Variants in PCDHGA3 observed in about 807,000 individuals in gnomAD.
PCDHGA3 encodes protocadherin gamma subfamily A, 3.
PCDHGA3 carries 40 observed loss-of-function variants against 58.5 expected under a neutral mutation model. That is an observed-to-expected ratio of 0.68 (90% CI 0.53 to 0.89). The LOEUF (loss-of-function observed/expected upper bound fraction) is 0.89, where lower values mean the gene tolerates loss of function less well. Among genes scored for constraint, PCDHGA3 ranks in the 40% least tolerant of loss-of-function variants. The probability of loss-of-function intolerance (pLI) is 0.00; values close to 1 mark genes in which losing one functional copy is unlikely to be tolerated. For synonymous variants in PCDHGA3, 530 were observed against 525.7 expected (o/e 1.01, Z -0.11); for missense variants, 1,223 against 1,195.9 (o/e 1.02, Z -0.33).
intron 2 of PCDHGA3, among the ~76,000 whole-genome samples, chr5:141,495,811 G>A (rs1164360438): frequency 1.3e-5 from 2 of 151,710 alleles, no homozygotes; most frequent in Admixed American, 1.3e-4. Flanking sequence ...GTTTCCTAGC[G>A]CCTTGTGTTC....
intron 1 of PCDHGA3, among the ~76,000 whole-genome samples, chr5:141,463,944 T>C (rs1454454223): frequency 3.3e-5 from 5 of 152,158 alleles, no homozygotes; most frequent in African/African-American, 4.8e-5. Flanking sequence ...TTTATAGAAA[T>C]CTTCATTTTT....
chr5:141,364,567 G>A (rs1034975661), intron 1 of PCDHGA3: 6 of 1,614,130 alleles, frequency 3.7e-6, no homozygotes, highest in Non-Finnish European at 5.1e-6. Flanking sequence ...CCCTGAACCC[G>A]CGAAGCGGCA....
At chr5:141,394,840 G>A in intron 1 of PCDHGA3, 3 of 1,613,834 alleles carry the variant, frequency 1.9e-6, no homozygotes, top group Non-Finnish European at 2.5e-6. Context: ...ACCGAGTTGG[G>A]CAGTCTGAAG....
chr5:141,429,389 A>ATTT (rs1561841246), intron 1 of PCDHGA3, among the ~76,000 whole-genome samples: 155 of 147,652 alleles, frequency 1.0e-3, no homozygotes, highest in African/African-American at 3.7e-3. Flanking sequence ...TTTTTTTTTA[A>ATTT]AAAAAATTGA....
In PCDHGA3 at chr5:141,477,292, A is replaced by G; in HGVS notation, c.2425-17515A>G. The G allele has an allele frequency of 1.2e-6, 2 of 1,614,114 alleles. No individual in the cohort carries two copies. The highest frequency in any genetic ancestry group is 4.5e-5 in the East Asian group (2 of 44,862). On this transcript the variant is annotated intron_variant, in intron 1 of 3. Transcript: ENST00000253812. The surrounding 1 kb of genome is among the most constrained non-coding windows in gnomAD (Gnocchi z 4.9). ...ACGGGCTGGTGACCTGCGAAGTTCCACCGGGTCTCCCTTTCAGCCTTACTT... is the reference window on the plus strand; with the variant it reads ...ACGGGCTGGTGACCTGCGAAGTTCCGCCGGGTCTCCCTTTCAGCCTTACTT...
At chr5:141,483,104 A>G (rs2099577128) in intron 1 of PCDHGA3, among the ~76,000 whole-genome samples, 1 of 152,140 alleles carries the variant, frequency 6.6e-6, no homozygotes, top group African/African-American at 2.4e-5. Flanking sequence ...GTGTGCGTGT[A>G]AAACAGACAG....
At chr5:141,496,782 C>T (rs552953558) in intron 2 of PCDHGA3, among the ~76,000 whole-genome samples, 16 of 152,136 alleles carry the variant, frequency 1.1e-4, no homozygotes, top group South Asian at 2.1e-4. Context: ...TGAGCAGGGC[C>T]CTGTGCTAAA....
At chr5:141,399,609 T>C in intron 1 of PCDHGA3, 2 of 1,613,918 alleles carry the variant, frequency 1.2e-6, no homozygotes, top group Non-Finnish European at 1.7e-6. Flanking sequence ...ACCTAGAGCC[T>C]CTGGCACTGG....
rs530004756 is a variant in PCDHGA3, at chr5:141,344,711, G to C, written c.678G>C (p.Leu226Phe). Residue 226 changes from leucine to phenylalanine, a missense_variant, in exon 1 of 4, where the codon TTG (leucine) becomes TTC (phenylalanine). This residue lies in a region of PCDHGA3 where 791 missense variants were observed against 708.5 expected (regional missense o/e 1.12). Transcript: ENST00000253812. ...DGGDPVHSGN[L>F]HIQVIVLDAN... ...GCGACCCTGTCCACTCTGGCAACTT[G>C]CACATCCAAGTGATAGTCCTGGATG... The C allele has an allele frequency of 6.2e-7, 1 of 1,613,938 alleles. No individual in the cohort carries two copies. The highest frequency in any genetic ancestry group is 8.5e-7 in the Non-Finnish European group (1 of 1,179,886).
intron 1 of PCDHGA3, chr5:141,396,148 A>G (rs1589277067): frequency 6.6e-6 from 1 of 152,328 alleles, no homozygotes; most frequent in South Asian, 2.1e-4. Context: ...AAGCTGATCA[A>G]TTCAATTAAA....
chr5:141,420,076 T>TC, intron 1 of PCDHGA3: 1 of 1,613,956 alleles, frequency 6.2e-7, no homozygotes, highest in Non-Finnish European at 8.5e-7. Context: ...GACCTGTGGG[T>TC]CCCCCCAACT....
At chr5:141,423,508 A>G (rs962526072) in intron 1 of PCDHGA3, 2 of 1,613,860 alleles carry the variant, frequency 1.2e-6, no homozygotes, top group African/African-American at 2.7e-5. Context: ...GGTCTCTCTC[A>G]TTGCGGACTC....
intron 1 of PCDHGA3, among the ~76,000 whole-genome samples, chr5:141,456,918 G>A (rs535602842): frequency 6.6e-6 from 1 of 152,006 alleles, no homozygotes; most frequent in African/African-American, 2.4e-5. Context: ...AGCCGAGATC[G>A]CACCACTGCA....
intron 1 of PCDHGA3, chr5:141,370,394 G>A (rs758929639): frequency 1.3e-6 from 2 of 1,547,668 alleles, no homozygotes; most frequent in African/African-American, 1.4e-5. Flanking sequence ...CAGAGAGCGG[G>A]ATGGGAAATA....
At chr5:141,468,739 G>A (rs1167211344) in intron 1 of PCDHGA3, among the ~76,000 whole-genome samples, 5 of 152,000 alleles carry the variant, frequency 3.3e-5, no homozygotes, top group African/African-American at 1.2e-4. Context: ...GGTGGCGGGT[G>A]CCTGTAGTCC....
chr5:141,372,217 T>A (rs1267940459), intron 1 of PCDHGA3: 1 of 1,613,564 alleles, frequency 6.2e-7, no homozygotes, highest in Admixed American at 1.7e-5. Context: ...TCCTACCACA[T>A]TGTGCAGGCC....
rs1413611606 is a variant in PCDHGA3, at chr5:141,368,566, G to A, written c.2424+22109G>A. Among the ~76,000 whole-genome samples, 6 of 152,186 alleles carry A rather than the reference G, an allele frequency of 3.9e-5. No individual in the cohort carries two copies. The East Asian group carries it at 1.2e-3, about 29-fold the overall frequency. On this transcript the variant is annotated intron_variant, in intron 1 of 3. Coordinates refer to ENST00000253812, the MANE Select transcript of PCDHGA3 (RefSeq NM_018916.4). ...TTTTTTTTAAAAGAAAATGTTATATGCTTCTTAGGGTAAGGTGTTTGGGAA... is the reference window on the plus strand; with the variant it reads ...TTTTTTTTAAAAGAAAATGTTATATACTTCTTAGGGTAAGGTGTTTGGGAA...
chr5:141,397,961 G>C, intron 1 of PCDHGA3: 2 of 1,038,400 alleles, frequency 1.9e-6, no homozygotes, highest in Non-Finnish European at 2.7e-6. Context: ...CCCCAGCTCA[G>C]ACTCCCCAGC....
At chr5:141,466,027 CAGG>C (rs1174989171) in intron 1 of PCDHGA3, among the ~76,000 whole-genome samples, 1 of 151,890 alleles carries the variant, frequency 6.6e-6, no homozygotes, top group African/African-American at 2.4e-5. Context: ...GAGGGTGAGG[CAGG>C]AGAACGGCAT....
Sources: gnomAD v4.1 joint callset for allele counts (sites outside exome capture counted in the v4.1 genomes callset) on GRCh38, gnomAD v4.1.1 for gene constraint, gnomAD v4.1.1 regional missense constraint, Gnocchi (gnomAD v3.1) non-coding constraint, MANE v1.5 for transcripts, NCBI Gene and HGNC (gene_info 2026-07-23, HGNC 2026-07-21) for gene names.